SBDS: variants seen among roughly 807,000 people sequenced by gnomAD.
SBDS encodes the protein ribosome maturation protein SBDS.
In SBDS, 20 loss-of-function variants were observed where a neutral mutation model predicts 26.4. The observed-to-expected ratio is 0.76, with a 90% confidence interval of 0.53 to 1.10. The LOEUF is 1.10. Ranked by LOEUF, SBDS falls within the 50% of genes least tolerant of loss-of-function variation. The probability of loss-of-function intolerance (pLI) is 0.00; values close to 1 mark genes in which losing one functional copy is unlikely to be tolerated. For synonymous variants in SBDS, 95 were observed against 105.1 expected, an observed-to-expected ratio of 0.90 and a Z score of 0.59; for missense variants, 241 against 302.0, an observed-to-expected ratio of 0.80 and a Z score of 1.50.
At chr7:66,992,024 T>G (rs1792986125) in intron 3 of SBDS, among the ~76,000 whole-genome samples, 1 of 152,100 alleles carries the variant, frequency 6.6e-6, no homozygotes, top group Non-Finnish European at 1.5e-5. Flanking sequence ...TATACAGAAA[T>G]GAAAACATAT....
intron 3 of SBDS, 51 bp from the exon 4 acceptor site, chr7:66,991,352 AG>A (rs1562954482): frequency 6.9e-7 from 1 of 1,445,766 alleles, no homozygotes; most frequent in Admixed American, 1.8e-5. Flanking sequence ...TTATTTCATA[AG>A]GTTTTCAAAA....
At position 66,995,572 on chromosome 7, in the gene SBDS, C is replaced by G. The variant is rs376037363; in HGVS notation, c.-155G>C. 6.5e-6 allele frequency: 7 copies of G among 1,083,492 alleles called. No homozygotes were observed. Among genetic ancestry groups the G allele is most frequent in the Non-Finnish European group, 9.5e-6 (7 of 739,382 alleles). The allele number at this position is 1,083,492 out of a possible 1,614,324, so 67.1% of individuals were successfully genotyped here. On this transcript the variant is annotated 5_prime_UTR_variant, in exon 1 of 5. Transcript: ENST00000246868. ...CCGCGACTCACTAGCTTCAGGCAGC[C>G]GTCACAGTGTGTCTGGCAGGCTTAC...
At chr7:66,993,006 C>CAA (rs71526589) in intron 3 of SBDS, among the ~76,000 whole-genome samples, 19 of 115,740 alleles carry the variant, frequency 1.6e-4, no homozygotes, top group East Asian at 4.9e-4. Flanking sequence ...GACTCTGTCT[C>CAA]AAAAAAAAAA....
intron 1 of SBDS, chr7:66,995,063 CAA>C (rs954503255): frequency 1.0e-5 from 6 of 597,506 alleles, no homozygotes; most frequent in African/African-American, 1.9e-5. Context: ...ACCAACAAAA[CAA>C]AACCCCAAAC....
Position 66,988,336 on chromosome 7 carries a change from CT to C in SBDS, c.*34del, listed in dbSNP as rs754325701. On this transcript the variant is annotated 3_prime_UTR_variant, in exon 5 of 5. Transcript: ENST00000246868. ...AACAGTGCCGTCGGAAACGGAAACA[CT>C]TTAGTGTTTTAGAGGTGAAGAGATT... is the stretch of plus-strand genomic sequence containing the variant. The C allele has an allele frequency of 6.2e-7, 1 of 1,609,902 alleles. No individual in the cohort carries two copies. Among genetic ancestry groups the C allele is most frequent in the Non-Finnish European group, 8.5e-7 (1 of 1,178,830 alleles).
chr7:66,987,746 T>A lies in SBDS; in HGVS notation c.*625A>T, dbSNP rs1792898063. 1 of 172,534 alleles carries A rather than the reference T, an allele frequency of 5.8e-6. No homozygotes were observed. Among genetic ancestry groups the A allele is most frequent in the Admixed American group, 6.4e-5 (1 of 15,722 alleles). The allele number at this position is 172,534 out of a possible 1,614,324, so 10.7% of individuals were successfully genotyped here. A position where few individuals can be genotyped will look rare whatever the true frequency, so the allele number is the denominator to read the frequency against. On this transcript the variant is annotated 3_prime_UTR_variant, in exon 5 of 5. Coordinates refer to ENST00000246868, the MANE Select transcript of SBDS (RefSeq NM_016038.4). ...TTTATTGATTACATACAATTTTAGC[T>A]ATATTAATATATATTATAAACTTTA...
intron 4 of SBDS, among the ~76,000 whole-genome samples, chr7:66,988,956 G>A (rs1300279680): frequency 7.3e-5 from 11 of 151,392 alleles, no homozygotes; most frequent in Admixed American, 2.0e-4. Context: ...TGCAGCCTCC[G>A]CCTCCCAGGT....
At position 66,995,518 on chromosome 7, in the gene SBDS, G is replaced by C; in HGVS notation, c.-101C>G. 6.4e-7 allele frequency: 1 copy of C among 1,565,622 alleles called. No homozygotes were observed. Among genetic ancestry groups the C allele is most frequent in the Non-Finnish European group, 8.7e-7 (1 of 1,144,446 alleles). ...TCGCGGTAACGACCGATCGGCGCGC[G>C]GCACTGACCCAACCACCAGTGCGCG... On this transcript the variant is annotated 5_prime_UTR_variant, in exon 1 of 5. Transcript: ENST00000246868.
chr7:66,993,375 GTCTT>G lies in SBDS; in HGVS notation c.297_300del (p.Glu99AspfsTer21), dbSNP rs113993994. The G allele has an allele frequency of 1.1e-5, 18 of 1,613,940 alleles. No homozygotes were observed. Among genetic ancestry groups the G allele is most frequent in the Non-Finnish European group, 1.4e-5 (16 of 1,180,000 alleles). The stretch of plus-strand genomic sequence containing the variant: ...CTAAACATCTGCTCCAGTTGTGTGT[GTCTT>G]TCTTTATCTGATACTTGAACTTCTC... On this transcript the variant is annotated frameshift_variant, in exon 3 of 5. Coordinates refer to ENST00000246868, the MANE Select transcript of SBDS (RefSeq NM_016038.4). LOFTEE classifies it high-confidence loss of function.
chr7:66,991,424 A>T, intron 3 of SBDS, 123 bp from the exon 4 acceptor site: 1 of 733,864 alleles, frequency 1.4e-6, no homozygotes. Context: ...CATTAAGAAC[A>T]TAAGTGACCG....
In SBDS at chr7:66,991,113, G is replaced by A. The variant is rs753617684; in HGVS notation, c.624+24C>T. ...GAATACAATATTTAGGTAACATGAA[G>A]CAAAGAAAATATTTGACTCTTACGA... On this transcript the variant is annotated intron_variant, in intron 4 of 4. Coordinates refer to ENST00000246868, the MANE Select transcript of SBDS (RefSeq NM_016038.4). The A allele has an allele frequency of 3.1e-6, 5 of 1,595,222 alleles. No homozygotes were observed. The South Asian group carries it at 3.4e-5, about 11-fold the overall frequency.
At chr7:66,991,681 C>A (rs898138224) in intron 3 of SBDS, among the ~76,000 whole-genome samples, 4 of 150,026 alleles carry the variant, frequency 2.7e-5, no homozygotes, top group Admixed American at 1.3e-4. Flanking sequence ...CGCCTGTAAT[C>A]CCAGCTACTC....
intron 1 of SBDS, 50 bp downstream of exon 1, chr7:66,995,240 G>A (rs1793076133): frequency 3.1e-6 from 5 of 1,612,088 alleles, no homozygotes; most frequent in South Asian, 2.2e-5. Context: ...GGCCGCCTCG[G>A]AGGTGACGGC....
rs1792964719 is a variant in SBDS, at chr7:66,991,018, A to G, written c.624+119T>C. On this transcript the variant is annotated intron_variant, in intron 4 of 4. Coordinates refer to ENST00000246868, the MANE Select transcript of SBDS (RefSeq NM_016038.4). ...GGCAACAGAGCGAGACTCCATCTCA[A>G]AAAAAAAAAAGAAAAGAAAATATCT... is the stretch of plus-strand genomic sequence containing the variant. The G allele has an allele frequency of 8.0e-6, 7 of 877,248 alleles. No individual in the cohort carries two copies. The South Asian group carries it at 1.2e-4, about 15-fold the overall frequency. 54.3% of individuals were successfully genotyped at this position (877,248 alleles called of 1,614,324 possible). A position where few individuals can be genotyped will look rare whatever the true frequency, so the allele number is the denominator to read the frequency against.
chr7:66,993,018 A>AG (rs994809109), intron 3 of SBDS, among the ~76,000 whole-genome samples, 199 bp downstream of exon 3: 2 of 151,906 alleles, frequency 1.3e-5, no homozygotes, highest in Admixed American at 6.6e-5. Flanking sequence ...AAAAAAAAAA[A>AG]AAAAAATTTA....
At chr7:66,992,222 T>C (rs1278475016) in intron 3 of SBDS, among the ~76,000 whole-genome samples, 2 of 152,048 alleles carry the variant, frequency 1.3e-5, no homozygotes, top group Non-Finnish European at 2.9e-5. Context: ...GTATGAACCA[T>C]GAAAAGGCCA....
chr7:66,993,006 CA>C lies in SBDS; in HGVS notation c.459+210del, dbSNP rs71526589. ...TGGGCAATAGAGTAAGACTCTGTCT[CA>C]AAAAAAAAAAAAAAAAATTTAGAGA... is the stretch of plus-strand genomic sequence containing the variant. On this transcript the variant is annotated intron_variant, in intron 3 of 4. Transcript: ENST00000246868. 6.2e-3 allele frequency among the ~76,000 whole-genome samples: 720 copies of C among 115,642 alleles called. 1 individual carries two copies. The highest frequency in any genetic ancestry group is 0.011 in the African/African-American group (335 of 30,846). The allele number at this position is 115,642 out of a possible 152,430, so 75.9% of individuals were successfully genotyped here.
chr7:66,988,269 G>A lies in SBDS; in HGVS notation c.*102C>T. 1 of 1,268,248 alleles carries A rather than the reference G, an allele frequency of 7.9e-7. No homozygotes were observed. Among genetic ancestry groups the A allele is most frequent in the Non-Finnish European group, 1.1e-6 (1 of 880,472 alleles). 78.6% of individuals were successfully genotyped at this position (1,268,248 alleles called of 1,614,324 possible). A position where few individuals can be genotyped will look rare whatever the true frequency, so the allele number is the denominator to read the frequency against. ...CACTGTTAACACAAAGATAGAAAAT[G>A]TCAAATAGTTTAAGCAAGTATTTGG... On this transcript the variant is annotated 3_prime_UTR_variant, in exon 5 of 5. Transcript: ENST00000246868.
intron 2 of SBDS, among the ~76,000 whole-genome samples, chr7:66,993,640 A>G (rs12667745): frequency 0.066 from 10,067 of 152,060 alleles, 435 homozygotes; most frequent in Middle Eastern, 0.1. Context: ...TTGGGTGGCT[A>G]AGGCGGGCAT....
Sources: gnomAD v4.1 joint callset for allele counts (sites outside exome capture counted in the v4.1 genomes callset) on GRCh38, gnomAD v4.1.1 for gene constraint, MANE v1.5 for transcripts, NCBI Gene and HGNC (gene_info 2026-07-23, HGNC 2026-07-21) for gene names.